Variants in GRIN3A observed in about 807,000 individuals in gnomAD.
The protein encoded by GRIN3A is glutamate ionotropic receptor NMDA type subunit 3A.
GRIN3A carries 47 observed loss-of-function variants against 92.4 expected under a neutral mutation model. The ratio of observed to expected loss-of-function variants is 0.51; its 90% CI spans 0.40 to 0.65. The LOEUF is 0.65. Ranked by LOEUF, GRIN3A falls within the 30% of genes least tolerant of loss-of-function variation. GRIN3A has a pLI of 0.00. For synonymous variants in GRIN3A, 527 were observed against 540.6 expected (o/e 0.97, Z 0.35); for missense variants, 1,324 against 1,393.1 (o/e 0.95, Z 0.79).
At chr9:101,595,069 A>G in intron 6 of GRIN3A, 7 of 647,894 alleles carry the variant, frequency 1.1e-5, no homozygotes, top group South Asian at 5.0e-5. Flanking sequence ...AGGGCAGGGG[A>G]GCGGAGGGAG....
chr9:101,625,713 G>A (rs553050221), intron 4 of GRIN3A, among the ~76,000 whole-genome samples: 1 of 152,142 alleles, frequency 6.6e-6, no homozygotes, highest in South Asian at 2.1e-4. Context: ...TCTCCTAGAA[G>A]TTGATAAGGA....
At chr9:101,616,041 A>G (rs909129024) in intron 5 of GRIN3A, among the ~76,000 whole-genome samples, 2 of 152,200 alleles carry the variant, frequency 1.3e-5, no homozygotes, top group Admixed American at 6.5e-5. Context: ...TAGAGTATAC[A>G]TTCCATTACA....
chr9:101,655,866 A>T (rs1829083526), intron 3 of GRIN3A, among the ~76,000 whole-genome samples: 1 of 152,012 alleles, frequency 6.6e-6, no homozygotes, highest in African/African-American at 2.4e-5. Flanking sequence ...AAATAATGGG[A>T]TTAGGATAAA....
chr9:101,641,524 G>T (rs902839401), intron 3 of GRIN3A, among the ~76,000 whole-genome samples: 1 of 151,662 alleles, frequency 6.6e-6, no homozygotes, highest in African/African-American at 2.4e-5. Flanking sequence ...GCAAACTATC[G>T]CAAGAACAAA....
chr9:101,672,433 T>G (rs1829339974), intron 2 of GRIN3A, among the ~76,000 whole-genome samples: 4 of 152,160 alleles, frequency 2.6e-5, no homozygotes, highest in Non-Finnish European at 5.9e-5. Context: ...TGCATTATGA[T>G]AAATCCATGG....
At chr9:101,607,677 G>A (rs1828305387) in intron 6 of GRIN3A, among the ~76,000 whole-genome samples, 1 of 152,238 alleles carries the variant, frequency 6.6e-6, no homozygotes, top group Non-Finnish European at 1.5e-5. Flanking sequence ...AAGTAAGTTG[G>A]TGGTTGAAGT....
intron 6 of GRIN3A, among the ~76,000 whole-genome samples, chr9:101,586,240 T>C (rs147879452): frequency 6.6e-6 from 1 of 152,348 alleles, no homozygotes; most frequent in East Asian, 1.9e-4. Flanking sequence ...TATGTGTTTA[T>C]TTGTTTATTG....
At chr9:101,652,121 G>A (rs908332634) in intron 3 of GRIN3A, among the ~76,000 whole-genome samples, 7 of 152,006 alleles carry the variant, frequency 4.6e-5, no homozygotes, top group Non-Finnish European at 8.8e-5. Flanking sequence ...GTCTGGGGAC[G>A]GTGCCATGAG....
intron 1 of GRIN3A, among the ~76,000 whole-genome samples, chr9:101,691,227 C>T (rs1243516881): frequency 6.6e-6 from 1 of 152,068 alleles, no homozygotes; most frequent in Non-Finnish European, 1.5e-5. Flanking sequence ...ATTTTAAGCT[C>T]CTACCTTGAG....
At chr9:101,704,107 T>C (rs1344405378) in intron 1 of GRIN3A, among the ~76,000 whole-genome samples, 1 of 152,240 alleles carries the variant, frequency 6.6e-6, no homozygotes, top group Non-Finnish European at 1.5e-5. Context: ...TCCAAGCAGC[T>C]TGCTGCTTTA....
chr9:101,702,168 A>G (rs2119001723), intron 1 of GRIN3A, among the ~76,000 whole-genome samples: 1 of 152,118 alleles, frequency 6.6e-6, no homozygotes, highest in South Asian at 2.1e-4. Flanking sequence ...CAGGTGTGGT[A>G]GCATATGCCT....
intron 6 of GRIN3A, among the ~76,000 whole-genome samples, chr9:101,585,849 A>T (rs1007599513): frequency 1.3e-5 from 2 of 152,114 alleles, no homozygotes; most frequent in Non-Finnish European, 2.9e-5. Context: ...ATGCCTGGTC[A>T]TGGTTTTCTG....
chr9:101,595,312 CTTAT>C (rs1308833467), intron 6 of GRIN3A, among the ~76,000 whole-genome samples: 1 of 129,770 alleles, frequency 7.7e-6, no homozygotes, highest in Non-Finnish European at 1.7e-5. Context: ...ATTTTATCTA[CTTAT>C]TTCTTTTTTT....
intron 3 of GRIN3A, among the ~76,000 whole-genome samples, chr9:101,633,346 G>T (rs1457186540): frequency 6.6e-6 from 1 of 152,224 alleles, no homozygotes; most frequent in Non-Finnish European, 1.5e-5. Context: ...GATATAGTAT[G>T]TATTGAATTC....
chr9:101,592,614 A>G (rs1031769511), intron 6 of GRIN3A: 2 of 152,200 alleles, frequency 1.3e-5, no homozygotes, highest in African/African-American at 4.8e-5. Context: ...GGGAGCGTTT[A>G]TCACAGTTTT....
At chr9:101,726,914 G>A (rs961714373) in intron 1 of GRIN3A, among the ~76,000 whole-genome samples, 1 of 152,012 alleles carries the variant, frequency 6.6e-6, no homozygotes, top group Admixed American at 6.6e-5. Context: ...TTGGGTAGAG[G>A]CTATAATATT....
rs763163002 is a variant in GRIN3A, at chr9:101,570,496, A to T, written c.*2678T>A. ...CAATAAAAATAACCATTGCTACTTA[A>T]CATGAAGACTGCTTCGTTTCACCAC... On this transcript the variant is annotated 3_prime_UTR_variant, in exon 9 of 9. Transcript: ENST00000361820. 3 of 152,662 alleles carry T rather than the reference A, an allele frequency of 2.0e-5. No individual in the cohort carries two copies. The highest frequency in any genetic ancestry group is 4.4e-5 in the Non-Finnish European group (3 of 68,048). The allele number at this position is 152,662 out of a possible 1,614,324, so 9.5% of individuals were successfully genotyped here. A position where few individuals can be genotyped will look rare whatever the true frequency, so the allele number is the denominator to read the frequency against.
chr9:101,640,655 T>C (rs1158071867), intron 3 of GRIN3A, among the ~76,000 whole-genome samples: 1 of 128,054 alleles, frequency 7.8e-6, no homozygotes, highest in African/African-American at 3.3e-5. Flanking sequence ...CCATGTGTTG[T>C]GGGAGGGACC....
intron 1 of GRIN3A, among the ~76,000 whole-genome samples, chr9:101,712,080 T>C (rs756112802): frequency 7.9e-5 from 12 of 152,170 alleles, no homozygotes; most frequent in Non-Finnish European, 1.5e-4. Context: ...TCCAGTCTCT[T>C]GTTCTTTCCT....
Sources: allele counts gnomAD v4.1 joint callset (sites outside exome capture counted in the v4.1 genomes callset), GRCh38; gene constraint gnomAD v4.1.1; transcripts MANE v1.5; gene names NCBI Gene and HGNC (gene_info 2026-07-23, HGNC 2026-07-21).